The following CYFIP1 variants were observed in gnomAD, a reference collection of about 807,000 sequenced individuals.
CYFIP1 encodes the protein cytoplasmic FMR1-interacting protein 1.
In CYFIP1, 58 loss-of-function variants were observed where a neutral mutation model predicts 163.5. That is an observed-to-expected ratio of 0.35 (90% CI 0.29 to 0.44). CYFIP1 has a LOEUF of 0.44. Ranked by LOEUF, CYFIP1 falls within the 20% of genes least tolerant of loss-of-function variation. CYFIP1 has a pLI of 1.00. For missense variants in CYFIP1, 1,338 were observed against 1,653.8 expected (o/e 0.81, Z 3.31); for synonymous variants, 663 against 660.7 (o/e 1.00, Z -0.05).
At chr15:22,913,169 C>T (rs1027691887) in intron 17 of CYFIP1, among the ~76,000 whole-genome samples, 9 of 151,610 alleles carry the variant, frequency 5.9e-5, no homozygotes, top group Admixed American at 2.0e-4. Context: ...GCACTCCAGC[C>T]TGGGCAATAG....
chr15:22,889,560 C>T (rs796577843), intron 23 of CYFIP1, among the ~76,000 whole-genome samples: 3 of 152,280 alleles, frequency 2.0e-5, no homozygotes, highest in East Asian at 3.9e-4. Flanking sequence ...ACCAACCCCA[C>T]GAGGCCCCTT....
At chr15:22,944,754 G>C in intron 4 of CYFIP1, 95 bp from the exon 5 acceptor site, 1 of 1,511,412 alleles carries the variant, frequency 6.6e-7, no homozygotes, top group Admixed American at 1.7e-5. Context: ...CCTGCTGTGG[G>C]GTGAGAACTG....
At chr15:22,871,406 T>A (rs2059430072) in intron 30 of CYFIP1, among the ~76,000 whole-genome samples, 1 of 152,184 alleles carries the variant, frequency 6.6e-6, no homozygotes, top group Non-Finnish European at 1.5e-5. Context: ...CTAATAATAT[T>A]TTCAGAGTAA....
At chr15:22,908,891 G>C (rs888508980) in intron 21 of CYFIP1, among the ~76,000 whole-genome samples, 2 of 152,194 alleles carry the variant, frequency 1.3e-5, no homozygotes, top group African/African-American at 4.8e-5. Flanking sequence ...ATTAAGTGGT[G>C]TGCTACCTTT....
chr15:22,966,200 C>G (rs1299945646), intron 1 of CYFIP1, among the ~76,000 whole-genome samples: 1 of 150,476 alleles, frequency 6.6e-6, no homozygotes, highest in Non-Finnish European at 1.5e-5. Context: ...AAAAAAAATA[C>G]AAAATTAGCC....
chr15:22,911,768 T>C (rs926331005), intron 18 of CYFIP1, among the ~76,000 whole-genome samples: 1 of 152,184 alleles, frequency 6.6e-6, no homozygotes, highest in African/African-American at 2.4e-5. Flanking sequence ...TCTCCTTAAA[T>C]GTGCATACAC....
rs539595616 is a variant in CYFIP1 at position 22,978,904 on chromosome 15, G to C, written c.-7+1383C>G. 2.1e-3 allele frequency among the ~76,000 whole-genome samples: 327 copies of C among 152,258 alleles called. 6 individuals are homozygous for C. The highest frequency in any genetic ancestry group is 7.5e-3 in the African/African-American group (313 of 41,552). ...CGGGGAGGAGAGAGGCTGCCTTCCT[G>C]AGTATCCTGACTGCGGTGGAAGTCA... On this transcript the variant is annotated intron_variant, in intron 1 of 30. Coordinates refer to ENST00000617928, the MANE Select transcript of CYFIP1 (RefSeq NM_014608.6).
intron 13 of CYFIP1, among the ~76,000 whole-genome samples, chr15:22,923,656 T>G (rs1206313459): frequency 6.6e-6 from 1 of 151,970 alleles, no homozygotes; most frequent in East Asian, 1.9e-4. Context: ...ACATGAAAGC[T>G]CATAGAGGCT....
At chr15:22,936,516 T>G (rs528445775) in intron 9 of CYFIP1, among the ~76,000 whole-genome samples, 6 of 152,284 alleles carry the variant, frequency 3.9e-5, no homozygotes, top group African/African-American at 1.2e-4. Context: ...AGTACTGATG[T>G]GGCACCAGCG....
intron 12 of CYFIP1, 70 bp from the exon 13 acceptor site, chr15:22,926,177 A>G: frequency 6.3e-7 from 1 of 1,598,442 alleles, no homozygotes; most frequent in African/African-American, 1.3e-5. Flanking sequence ...TCTGACTCAC[A>G]CGATGGTGGC....
At chr15:22,880,382 A>G (rs2059720285) in intron 25 of CYFIP1, among the ~76,000 whole-genome samples, 1 of 152,212 alleles carries the variant, frequency 6.6e-6, no homozygotes, top group Non-Finnish European at 1.5e-5. Flanking sequence ...AAGGTATTTG[A>G]CAAAATGCAA....
At chr15:22,873,470 C>G in intron 29 of CYFIP1, 21 bp downstream of exon 29, 1 of 1,600,086 alleles carries the variant, frequency 6.2e-7, no homozygotes, top group South Asian at 1.1e-5. Context: ...GGGCTTTGTC[C>G]TGCTCTCAGC....
At chr15:22,875,505 G>A in intron 26 of CYFIP1, 1 of 507,750 alleles carries the variant, frequency 2.0e-6, no homozygotes, top group Non-Finnish European at 3.5e-6. Flanking sequence ...TGGCACTTGA[G>A]GAACTGAATT....
chr15:22,936,485 C>A (rs1019012629), intron 9 of CYFIP1, among the ~76,000 whole-genome samples: 1 of 152,174 alleles, frequency 6.6e-6, no homozygotes, highest in Non-Finnish European at 1.5e-5. Flanking sequence ...GATATCCCCC[C>A]ACCCCAAAAA....
At chr15:22,895,737 G>A (rs1168919707) in intron 22 of CYFIP1, among the ~76,000 whole-genome samples, 1 of 152,182 alleles carries the variant, frequency 6.6e-6, no homozygotes, top group Non-Finnish European at 1.5e-5. Flanking sequence ...GAGGTGAAGG[G>A]CTGGAGGCTG....
In CYFIP1 at chr15:22,950,599, C is replaced by T. The variant is rs2062215637; in HGVS notation, c.-6-3308G>A. On this transcript the variant is annotated intron_variant, in intron 1 of 30. Transcript: ENST00000617928. ...TCAACTGCACTCCAAAAATATTAAACGGAAAACTCCATTCACAAACACTCC... is the reference window on the plus strand; with the variant it reads ...TCAACTGCACTCCAAAAATATTAAATGGAAAACTCCATTCACAAACACTCC... Among the ~76,000 whole-genome samples the T allele has an allele frequency of 2.6e-5, 4 of 152,328 alleles. No homozygotes were observed. The South Asian group carries it at 8.3e-4, about 32-fold the overall frequency.
chr15:22,903,985 A>G, intron 21 of CYFIP1, 80 bp from the exon 22 acceptor site: 1 of 1,319,332 alleles, frequency 7.6e-7, no homozygotes, highest in African/African-American at 1.5e-5. Flanking sequence ...GATCCCACCC[A>G]GGCCTCACAG....
intron 16 of CYFIP1, 95 bp downstream of exon 16, chr15:22,916,382 G>C: frequency 2.2e-6 from 2 of 917,690 alleles, no homozygotes; most frequent in South Asian, 1.6e-5. Flanking sequence ...ACCAAGGGAC[G>C]GGGTAGGGGG....
Position 22,880,029 on chromosome 15 carries a change from A to G in CYFIP1, c.2926T>C (p.Phe976Leu). Reference sequence around the variant, plus strand: ...ACGATGTCCTTCAGCTGGTGGTGGAAGAACTCCAGGATACCTACGGTGGCG... The same window carrying G: ...ACGATGTCCTTCAGCTGGTGGTGGAGGAACTCCAGGATACCTACGGTGGCG... ...EYGSPGILEF[F>L]HHQLKDIVEY... The change falls in exon 26 of 31, where the codon TTC (phenylalanine) becomes CTC (leucine). Residue 976 changes from phenylalanine to leucine, a missense_variant. Transcript: ENST00000617928. 2 of 1,613,872 alleles carry G rather than the reference A, an allele frequency of 1.2e-6. No homozygotes were observed. The highest frequency in any genetic ancestry group is 4.5e-5 in the East Asian group (2 of 44,868).
Sources: allele counts gnomAD v4.1 joint callset (sites outside exome capture counted in the v4.1 genomes callset), GRCh38; gene constraint gnomAD v4.1.1; transcripts MANE v1.5; gene names NCBI Gene and HGNC (gene_info 2026-07-23, HGNC 2026-07-21).